Variants in ACTN1 observed in about 807,000 individuals in gnomAD.
ACTN1 encodes the protein alpha-actinin-1.
Under a neutral mutation model 119.6 loss-of-function variants are expected in ACTN1, and 30 were observed. That is an observed-to-expected ratio of 0.25 (90% CI 0.19 to 0.34). The LOEUF is 0.34. Ranked by LOEUF, ACTN1 falls within the 10% of genes least tolerant of loss-of-function variation. The probability of loss-of-function intolerance (pLI) is 1.00; values close to 1 mark genes in which losing one functional copy is unlikely to be tolerated. For missense variants in ACTN1, 764 were observed against 1,223.4 expected (o/e 0.62, Z 5.60); for synonymous variants, 429 against 472.6 (o/e 0.91, Z 1.20).
At chr14:68,890,307 G>A in intron 10 of ACTN1, 21 bp from the exon 11 acceptor site, 1 of 1,613,604 alleles carries the variant, frequency 6.2e-7, no homozygotes, top group Non-Finnish European at 8.5e-7. Context: ...GGGAGGTACA[G>A]GGTCAGGGTC....
rs1229450407 is a variant in ACTN1, at chr14:68,877,117, C to T, written c.2551G>A (p.Val851Ile). ...ETADTDTADQ[V>I]MASFKILAGD... ...GCCAGGATCTTGAAGGAAGCCATGA[C>T]TTGGTCTGCTGTATCTGTGTCGGCT... Residue 851 changes from valine (V) to isoleucine (I), a missense_variant, in exon 21 of 22, where the codon GTC becomes ATC. Val to Ile is a conservative substitution (Grantham distance 29, BLOSUM62 3). Coordinates refer to ENST00000394419, the MANE Select transcript of ACTN1 (RefSeq NM_001130004.2). 1.9e-6 allele frequency: 3 copies of T among 1,614,170 alleles called. No individual in the cohort carries two copies. The highest frequency in any genetic ancestry group is 1.3e-5 in the African/African-American group (1 of 75,048).
intron 1 of ACTN1, among the ~76,000 whole-genome samples, chr14:68,954,616 A>G (rs892117579): frequency 6.6e-6 from 1 of 152,090 alleles, no homozygotes; most frequent in African/African-American, 2.4e-5. Context: ...ATGAGCCACC[A>G]CACCCGGCCC....
At chr14:68,889,338 A>G (rs907613851) in intron 11 of ACTN1, among the ~76,000 whole-genome samples, 8 of 152,242 alleles carry the variant, frequency 5.3e-5, no homozygotes, top group Non-Finnish European at 8.8e-5. Flanking sequence ...TGAAGAGATG[A>G]AAACCACAAG....
chr14:68,885,637 G>A lies in ACTN1; in HGVS notation c.1235-62C>T, dbSNP rs746319984. ...GAGAAGCATCTCCTTGGTCCCAACC[G>A]CCCACCCCTCAGGGCCCCAGGAGCT... On this transcript the variant is annotated intron_variant, in intron 11 of 21. Transcript: ENST00000394419. The surrounding 1 kb of genome is among the most constrained non-coding windows in gnomAD (Gnocchi z 5.6). 7.0e-6 allele frequency: 11 copies of A among 1,569,306 alleles called. No individual in the cohort carries two copies. The highest frequency in any genetic ancestry group is 9.5e-6 in the Non-Finnish European group (11 of 1,158,432).
chr14:68,976,569 T>C (rs1259347389), intron 1 of ACTN1, among the ~76,000 whole-genome samples: 2 of 152,242 alleles, frequency 1.3e-5, no homozygotes, highest in Admixed American at 6.5e-5. Flanking sequence ...GAGCTCCTTC[T>C]GCCATGGCCC....
chr14:68,884,044 G>A, intron 14 of ACTN1, 124 bp downstream of exon 14: 2 of 1,047,154 alleles, frequency 1.9e-6, no homozygotes, highest in Non-Finnish European at 2.7e-6. Flanking sequence ...AAATGCAAAG[G>A]TTCTGGGTCT....
chr14:68,936,723 T>C, intron 1 of ACTN1: 1 of 638,006 alleles, frequency 1.6e-6, no homozygotes, highest in East Asian at 3.7e-5. Context: ...TGACAAAGCC[T>C]ATGTTGTCCT....
intron 1 of ACTN1, among the ~76,000 whole-genome samples, chr14:68,967,468 C>T (rs1314761213): frequency 1.3e-5 from 2 of 152,168 alleles, no homozygotes; most frequent in African/African-American, 2.4e-5. Context: ...ACTAGGGGGA[C>T]CCCAGGAGAC....
chr14:68,913,912 T>C (rs1390677662), intron 3 of ACTN1, among the ~76,000 whole-genome samples: 1 of 151,800 alleles, frequency 6.6e-6, no homozygotes, highest in East Asian at 1.9e-4. Context: ...TGTGGGGAGG[T>C]AGTACTACTC....
rs139869424 is a variant in ACTN1, at chr14:68,963,201, T to G, written c.105+15751A>C. ...CATGATCACCTCCTCCAGGAAGTCC[T>G]ACCTGTCTCCTCCAGGATGGGCTGG... On this transcript the variant is annotated intron_variant, in intron 1 of 21. Transcript: ENST00000394419. Among the ~76,000 whole-genome samples the G allele has an allele frequency of 5.9e-3, 861 of 145,890 alleles. 11 individuals are homozygous for G. The highest frequency in any genetic ancestry group is 0.02 in the African/African-American group (820 of 41,098).
chr14:68,877,220 G>A lies in ACTN1; in HGVS notation c.2448C>T (p.Arg816=). 1 of 1,614,154 alleles carries A rather than the reference G, an allele frequency of 6.2e-7. No individual in the cohort carries two copies. Among genetic ancestry groups the A allele is most frequent in the South Asian group, 1.1e-5 (1 of 91,086 alleles). The stretch of plus-strand genomic sequence containing the variant: ...GGTTGGGGTCCACAATGCTCATGAT[G>A]CGGGCAAATTCTGCTTCTCCCTGGA... The part of the protein sequence containing the change: ...GYNMGEAEFA[R]IMSIVDPNRL... Residue 816 remains arginine (R), a synonymous_variant, in exon 21 of 22, where the codon CGC becomes CGT. Coordinates refer to ENST00000394419, the MANE Select transcript of ACTN1 (RefSeq NM_001130004.2).
intron 3 of ACTN1, among the ~76,000 whole-genome samples, chr14:68,915,742 G>A (rs922444958): frequency 5.3e-5 from 8 of 152,210 alleles, no homozygotes; most frequent in South Asian, 2.1e-4. Flanking sequence ...GAGGCCAGAC[G>A]CAGTGGCTCA....
Position 68,874,714 on chromosome 14 carries a change from G to T in ACTN1, c.*145C>A. On this transcript the variant is annotated 3_prime_UTR_variant, in exon 22 of 22. Coordinates refer to ENST00000394419, the MANE Select transcript of ACTN1 (RefSeq NM_001130004.2). ...ATAATTTTGTAAACTGTCACTTCGCGGGCAGGGAGGATCGATGCCACGTGG... is the reference window on the plus strand; with the variant it reads ...ATAATTTTGTAAACTGTCACTTCGCTGGCAGGGAGGATCGATGCCACGTGG... 1.3e-6 allele frequency: 1 copy of T among 744,008 alleles called. No individual in the cohort carries two copies. The highest frequency in any genetic ancestry group is 1.9e-6 in the Non-Finnish European group (1 of 518,026). The allele number at this position is 744,008 out of a possible 1,614,324, so 46.1% of individuals were successfully genotyped here.
Position 68,874,804 on chromosome 14 carries a change from C to A in ACTN1, c.*55G>T. 6.9e-7 allele frequency: 1 copy of A among 1,454,952 alleles called. No homozygotes were observed. The highest frequency in any genetic ancestry group is 2.5e-5 in the East Asian group (1 of 40,790). The allele number at this position is 1,454,952 out of a possible 1,614,324, so 90.1% of individuals were successfully genotyped here. On this transcript the variant is annotated 3_prime_UTR_variant, in exon 22 of 22. Coordinates refer to ENST00000394419, the MANE Select transcript of ACTN1 (RefSeq NM_001130004.2). ...AACCCAGGCAGGAGATGGGCGACGGCGGAGGTGCAAGGCAGGGCACGGCGC... is the reference window on the plus strand; with the variant it reads ...AACCCAGGCAGGAGATGGGCGACGGAGGAGGTGCAAGGCAGGGCACGGCGC...
chr14:68,937,513 G>A (rs1270187131), intron 1 of ACTN1, among the ~76,000 whole-genome samples: 2 of 152,180 alleles, frequency 1.3e-5, no homozygotes, highest in African/African-American at 2.4e-5. Context: ...CCTTATCAGT[G>A]TAAAATCTTA....
At chr14:68,977,924 GTGGC>G in intron 1 of ACTN1, 1 of 455,912 alleles carries the variant, frequency 2.2e-6, no homozygotes, top group South Asian at 1.5e-5. Context: ...TTCAGGGTAC[GTGGC>G]CGCCTGGGGG....
chr14:68,924,852 G>A (rs551174592), intron 2 of ACTN1, among the ~76,000 whole-genome samples: 2 of 152,344 alleles, frequency 1.3e-5, no homozygotes, highest in African/African-American at 4.8e-5. Flanking sequence ...GACTCTGGGA[G>A]GGAAAAGAGG....
rs1156953524 is a variant in ACTN1, at chr14:68,912,320, C to T, written c.341-78G>A. On this transcript the variant is annotated intron_variant, in intron 3 of 21. Transcript: ENST00000394419. ...TAACACTCCCTCAGCACCCACAGCA[C>T]TCCATGCCCCACGCTAGGAATCAAA... 3 of 1,089,302 alleles carry T rather than the reference C, an allele frequency of 2.8e-6. No individual in the cohort carries two copies. The East Asian group carries it at 7.1e-5, about 26-fold the overall frequency. The allele number at this position is 1,089,302 out of a possible 1,614,324, so 67.5% of individuals were successfully genotyped here.
chr14:68,936,645 TGGG>T, intron 1 of ACTN1: 1 of 610,590 alleles, frequency 1.6e-6, no homozygotes, highest in Admixed American at 2.1e-5. Context: ...GCAGAGCCCA[TGGG>T]GGAAGAGCCA....
Sources: allele counts gnomAD v4.1 joint callset (sites outside exome capture counted in the v4.1 genomes callset), GRCh38; gene constraint gnomAD v4.1.1; non-coding constraint Gnocchi (gnomAD v3.1); transcripts MANE v1.5; gene names NCBI Gene and HGNC (gene_info 2026-07-23, HGNC 2026-07-21).